The following CFAP52 variants were observed in gnomAD, a reference collection of about 807,000 sequenced individuals.
The protein encoded by CFAP52 is cilia and flagella associated protein 52.
Under a neutral mutation model 70.5 loss-of-function variants are expected in CFAP52, and 57 were observed. That is an observed-to-expected ratio of 0.81 (90% CI 0.65 to 1.01). The LOEUF (loss-of-function observed/expected upper bound fraction) is 1.01. Ranked by LOEUF, CFAP52 falls within the 50% of genes least tolerant of loss-of-function variation. The probability of loss-of-function intolerance (pLI) is 0.00; values close to 1 mark genes in which losing one functional copy is unlikely to be tolerated. For synonymous variants in CFAP52, 267 were observed against 292.5 expected, an observed-to-expected ratio of 0.91 and a Z score of 0.89; for missense variants, 785 against 788.5, an observed-to-expected ratio of 1.00 and a Z score of 0.05.
chr17:9,629,640 C>T (rs1910383941), intron 9 of CFAP52, among the ~76,000 whole-genome samples: 1 of 151,576 alleles, frequency 6.6e-6, no homozygotes, highest in South Asian at 2.1e-4. Flanking sequence ...CTCTGCCTCC[C>T]GTGTTCAAGC....
rs761264835 is a variant in CFAP52, at chr17:9,608,086, T to C, written c.754-33T>C. ...CTTTAGTGGTGATTTGTGAGATTTTTGTGCTTTTTCTTAACACAGTTTTTC... is the reference window on the plus strand; with the variant it reads ...CTTTAGTGGTGATTTGTGAGATTTTCGTGCTTTTTCTTAACACAGTTTTTC... On this transcript the variant is annotated intron_variant, in intron 6 of 13. Transcript: ENST00000352665. The C allele has an allele frequency of 6.4e-6, 10 of 1,566,232 alleles. No individual in the cohort carries two copies. The East Asian group carries it at 2.0e-4, about 32-fold the overall frequency.
chr17:9,636,251 G>GAAAT (rs1555544715), intron 11 of CFAP52, among the ~76,000 whole-genome samples: 1 of 97,680 alleles, frequency 1.0e-5, no homozygotes, highest in Admixed American at 1.0e-4. Flanking sequence ...AAGAAAGAAA[G>GAAAT]AGAAAGAAAA....
chr17:9,599,675 C>T (rs1909177813), intron 5 of CFAP52, among the ~76,000 whole-genome samples: 1 of 152,116 alleles, frequency 6.6e-6, no homozygotes, highest in Non-Finnish European at 1.5e-5. Context: ...CCAGAGGAAC[C>T]TCATCCCATT....
chr17:9,598,215 GTTTTTTT>G lies in CFAP52; in HGVS notation c.537-13_537-7del. 1 of 1,231,432 alleles carries G rather than the reference GTTTTTTT, an allele frequency of 8.1e-7. No homozygotes were observed. The highest frequency in any genetic ancestry group is 1.1e-6 in the Non-Finnish European group (1 of 880,096). 76.3% of individuals were successfully genotyped at this position (1,231,432 alleles called of 1,614,324 possible). ...GGTGTCCATTTGATTGTGGTTTTTT[GTTTTTTT>G]TTTTTACATAGTGGGACAATTCGAG... On this transcript the variant is annotated splice_polypyrimidine_tract_variant and intron_variant, in intron 4 of 13. Coordinates refer to ENST00000352665, the MANE Select transcript of CFAP52 (RefSeq NM_145054.5).
chr17:9,584,503 A>T (rs1182184318), intron 1 of CFAP52: 3 of 464,480 alleles, frequency 6.5e-6, no homozygotes, highest in Non-Finnish European at 9.1e-6. Flanking sequence ...ATACATTGTG[A>T]AATGATGTCT....
intron 1 of CFAP52, among the ~76,000 whole-genome samples, chr17:9,581,148 C>G (rs184378887): frequency 2.0e-5 from 3 of 152,242 alleles, no homozygotes; most frequent in Admixed American, 1.3e-4. Context: ...AACCCCGTCT[C>G]TACTAAAAAT....
chr17:9,604,790 TA>T (rs1909416849), intron 6 of CFAP52, among the ~76,000 whole-genome samples: 1 of 149,658 alleles, frequency 6.7e-6, no homozygotes, highest in Non-Finnish European at 1.5e-5. Context: ...AATAAATAAA[TA>T]AATAAATAAA....
At chr17:9,577,288 C>T (rs900626897) in intron 1 of CFAP52, among the ~76,000 whole-genome samples, 3 of 152,154 alleles carry the variant, frequency 2.0e-5, no homozygotes, top group Admixed American at 1.3e-4. Context: ...TCCTCTAATC[C>T]TAAGGAAGGT....
chr17:9,635,820 A>G (rs1208251258), intron 11 of CFAP52, among the ~76,000 whole-genome samples: 2 of 152,174 alleles, frequency 1.3e-5, no homozygotes, highest in African/African-American at 4.8e-5. Context: ...ACAGTGAAGC[A>G]TGGTTTAACT....
At chr17:9,595,565 T>C (rs1908962116) in intron 4 of CFAP52, among the ~76,000 whole-genome samples, 1 of 152,140 alleles carries the variant, frequency 6.6e-6, no homozygotes, top group Non-Finnish European at 1.5e-5. Context: ...TTCTGCTCCT[T>C]CACAGCCCCT....
intron 7 of CFAP52, among the ~76,000 whole-genome samples, chr17:9,610,510 G>A (rs1401119196): frequency 1.3e-5 from 2 of 151,436 alleles, no homozygotes; most frequent in African/African-American, 2.4e-5. Flanking sequence ...CAGCTCCAGT[G>A]CCAAGATCTT....
At chr17:9,599,158 A>T (rs1909154097) in intron 5 of CFAP52, among the ~76,000 whole-genome samples, 1 of 152,184 alleles carries the variant, frequency 6.6e-6, no homozygotes, top group Non-Finnish European at 1.5e-5. Context: ...GAGTATTTGC[A>T]TTATACTTCC....
intron 11 of CFAP52, 67 bp downstream of exon 11, chr17:9,635,623 A>T (rs1304131037): frequency 3.1e-6 from 5 of 1,593,942 alleles, no homozygotes; most frequent in Non-Finnish European, 4.3e-6. Context: ...CAGTTTATTG[A>T]ACATGAGAGA....
intron 8 of CFAP52, among the ~76,000 whole-genome samples, chr17:9,625,920 T>C (rs533803474): frequency 6.6e-6 from 1 of 152,372 alleles, no homozygotes; most frequent in South Asian, 2.1e-4. Flanking sequence ...GGCTGATTTC[T>C]ATTTATCCAT....
intron 4 of CFAP52, 41 bp downstream of exon 4, chr17:9,594,362 C>A: frequency 1.3e-6 from 2 of 1,591,376 alleles, no homozygotes; most frequent in Non-Finnish European, 1.7e-6. Flanking sequence ...TCATAAATTG[C>A]TATATTTTCT....
chr17:9,633,043 G>A lies in CFAP52; in HGVS notation c.1320+10G>A, dbSNP rs2151950525. ...CGGTGGGGAAGGGGAGGTATTGAAA[G>A]CAGAAATTTGAAAAAATAACGCTCT... is the stretch of plus-strand genomic sequence containing the variant. On this transcript the variant is annotated intron_variant, in intron 10 of 13. Coordinates refer to ENST00000352665, the MANE Select transcript of CFAP52 (RefSeq NM_145054.5). 3 of 1,611,946 alleles carry A rather than the reference G, an allele frequency of 1.9e-6. No homozygotes were observed. The highest frequency in any genetic ancestry group is 2.5e-6 in the Non-Finnish European group (3 of 1,179,148).
At chr17:9,589,456 G>A (rs903795901) in intron 3 of CFAP52, among the ~76,000 whole-genome samples, 1 of 152,118 alleles carries the variant, frequency 6.6e-6, no homozygotes, top group Non-Finnish European at 1.5e-5. Flanking sequence ...GTATTGGCCG[G>A]GTGTGGCAGC....
chr17:9,583,737 G>A (rs1287854744), intron 1 of CFAP52, among the ~76,000 whole-genome samples: 1 of 152,128 alleles, frequency 6.6e-6, no homozygotes, highest in African/African-American at 2.4e-5. Context: ...TAAACACGAA[G>A]AGCAATCAAA....
chr17:9,640,395 C>G (rs376352644), intron 12 of CFAP52, among the ~76,000 whole-genome samples: 3 of 151,674 alleles, frequency 2.0e-5, no homozygotes, highest in East Asian at 3.9e-4. Flanking sequence ...TTCCTCCCCC[C>G]ACCCACCACC....
Sources: allele counts gnomAD v4.1 joint callset (sites outside exome capture counted in the v4.1 genomes callset), GRCh38; gene constraint gnomAD v4.1.1; transcripts MANE v1.5; gene names NCBI Gene and HGNC (gene_info 2026-07-23, HGNC 2026-07-21).